Variants in PTPRN2 observed in about 807,000 individuals in gnomAD.
PTPRN2 encodes the protein receptor-type tyrosine-protein phosphatase N2.
A neutral mutation model predicts 118.8 loss-of-function variants in PTPRN2; 74 were observed. That is an observed-to-expected ratio of 0.62 (90% CI 0.52 to 0.76). The LOEUF (loss-of-function observed/expected upper bound fraction) is 0.76. PTPRN2 is among the 30% of genes least tolerant of loss of function. PTPRN2 has a pLI of 0.00. For missense variants in PTPRN2, 1,481 were observed against 1,394.4 expected (o/e 1.06, Z -0.99); for synonymous variants, 641 against 608.0 (o/e 1.05, Z -0.80).
rs1195313059 is a variant in PTPRN2, at chr7:158,563,577, C to T, written c.112+23981G>A. The stretch of plus-strand genomic sequence containing the variant: ...ACAGCATTCAGATGCTCCCAGCCCA[C>T]CCCGATGGGAGTGTTGGATGAAGAA... On this transcript the variant is annotated intron_variant, in intron 1 of 22. Transcript: ENST00000389418. The surrounding 1 kb of genome is among the most constrained non-coding windows in gnomAD (Gnocchi z 5.1). 6.6e-6 allele frequency among the ~76,000 whole-genome samples: 1 copy of T among 152,238 alleles called. No homozygotes were observed. The highest frequency in any genetic ancestry group is 2.4e-5 in the African/African-American group (1 of 41,462).
At chr7:157,838,891 G>C (rs1186581063) in intron 12 of PTPRN2, among the ~76,000 whole-genome samples, 2 of 104,890 alleles carry the variant, frequency 1.9e-5, no homozygotes, top group African/African-American at 5.0e-5. Context: ...CTCCGCCGTG[G>C]CTACTCCAGT....
chr7:158,156,257 A>C (rs921461407), intron 6 of PTPRN2, among the ~76,000 whole-genome samples: 2 of 152,180 alleles, frequency 1.3e-5, no homozygotes, highest in Non-Finnish European at 2.9e-5. Flanking sequence ...AGAAGAAAAA[A>C]ATATATCCAA....
intron 10 of PTPRN2, among the ~76,000 whole-genome samples, chr7:158,101,849 T>C (rs1330588832): frequency 6.6e-6 from 1 of 152,176 alleles, no homozygotes; most frequent in African/African-American, 2.4e-5. Context: ...TCCTCCCTTC[T>C]TCATTCTGGC....
intron 2 of PTPRN2, among the ~76,000 whole-genome samples, chr7:158,473,183 C>T (rs1410410182): frequency 6.6e-6 from 1 of 152,162 alleles, no homozygotes; most frequent in Admixed American, 6.5e-5. Context: ...TTCACGGTCC[C>T]CAAGATCAAT....
At chr7:158,386,621 C>T (rs561176538) in intron 2 of PTPRN2, among the ~76,000 whole-genome samples, 16 of 152,250 alleles carry the variant, frequency 1.1e-4, no homozygotes, top group East Asian at 5.8e-4. Flanking sequence ...AACACACTGT[C>T]GATCATCCAA....
At chr7:157,737,694 G>T (rs986957751) in intron 12 of PTPRN2, among the ~76,000 whole-genome samples, 4 of 152,230 alleles carry the variant, frequency 2.6e-5, no homozygotes, top group African/African-American at 9.6e-5. Context: ...GGGCGTGGCA[G>T]CCCCTCCACA....
intron 12 of PTPRN2, among the ~76,000 whole-genome samples, chr7:157,761,971 C>T (rs897050852): frequency 2.6e-5 from 4 of 152,166 alleles, no homozygotes; most frequent in Admixed American, 6.5e-5. Flanking sequence ...GACATTTATG[C>T]AGCCAAAAAA....
At chr7:158,146,059 C>A (rs1819947066) in intron 6 of PTPRN2, among the ~76,000 whole-genome samples, 1 of 106,814 alleles carries the variant, frequency 9.4e-6, no homozygotes, top group Non-Finnish European at 2.2e-5. Flanking sequence ...GTTTTCCACT[C>A]TTTTCCCCCT....
chr7:158,554,742 C>G (rs1433043506), intron 1 of PTPRN2, among the ~76,000 whole-genome samples: 1 of 152,170 alleles, frequency 6.6e-6, no homozygotes, highest in East Asian at 1.9e-4. Flanking sequence ...CAGGCCCTTC[C>G]AAGACGCAGT....
At chr7:158,098,246 G>C (rs907380388) in intron 10 of PTPRN2, among the ~76,000 whole-genome samples, 4 of 152,240 alleles carry the variant, frequency 2.6e-5, no homozygotes, top group Admixed American at 1.3e-4. Flanking sequence ...CAAGAATCAG[G>C]CTTCAGCTCC....
At chr7:158,316,664 A>C (rs1045437422) in intron 3 of PTPRN2, among the ~76,000 whole-genome samples, 155 bp downstream of exon 3, 1 of 152,126 alleles carries the variant, frequency 6.6e-6, no homozygotes, top group African/African-American at 2.4e-5. Context: ...AGTAGGAAGC[A>C]CCCATGAGCC....
chr7:158,349,875 CTG>C (rs1807795155), intron 2 of PTPRN2, among the ~76,000 whole-genome samples: 1 of 151,416 alleles, frequency 6.6e-6, no homozygotes, highest in Admixed American at 6.6e-5. Flanking sequence ...GCCCACGTCA[CTG>C]TGCTCCCTGG....
chr7:157,943,193 G>A lies in PTPRN2; in HGVS notation c.1724-44456C>T, dbSNP rs114092536. On this transcript the variant is annotated intron_variant, in intron 11 of 22. Transcript: ENST00000389418. ...CACACATTCCACTAGCCTCGAAGCCGCATCCTCGCACATCTCACAGCCTGG... is the reference window on the plus strand; with the variant it reads ...CACACATTCCACTAGCCTCGAAGCCACATCCTCGCACATCTCACAGCCTGG... Among the ~76,000 whole-genome samples, 868 of 152,302 alleles carry A rather than the reference G, an allele frequency of 5.7e-3. 10 individuals carry two copies. The highest frequency in any genetic ancestry group is 0.02 in the African/African-American group (837 of 41,572).
intron 2 of PTPRN2, among the ~76,000 whole-genome samples, chr7:158,382,348 T>G (rs973822564): frequency 1.3e-5 from 2 of 152,126 alleles, no homozygotes; most frequent in Non-Finnish European, 2.9e-5. Flanking sequence ...CTCACCCACT[T>G]TTTGGTGTAA....
chr7:158,070,932 CTGGTGGTGGAGGTGCCCG>C (rs1563388463), intron 11 of PTPRN2, among the ~76,000 whole-genome samples: 4 of 29,258 alleles, frequency 1.4e-4, no homozygotes, highest in Non-Finnish European at 1.2e-4. Flanking sequence ...GGAGGTGCTC[CTGGTGGTGGAGGTGCCCG>C]TGGTGGTGGA....
chr7:157,928,738 A>G (rs1219584591), intron 11 of PTPRN2, among the ~76,000 whole-genome samples: 4 of 139,014 alleles, frequency 2.9e-5, no homozygotes, highest in African/African-American at 1.1e-4. Flanking sequence ...AGAGGGTGGA[A>G]GATGAGAGGG....
At chr7:157,985,543 C>T (rs907449066) in intron 11 of PTPRN2, among the ~76,000 whole-genome samples, 6 of 152,270 alleles carry the variant, frequency 3.9e-5, no homozygotes, top group African/African-American at 7.2e-5. Flanking sequence ...ACTGACATGC[C>T]GCCCCAGTGA....
chr7:158,050,545 T>C (rs572930702), intron 11 of PTPRN2, among the ~76,000 whole-genome samples: 2 of 152,324 alleles, frequency 1.3e-5, no homozygotes, highest in South Asian at 2.1e-4. Context: ...TTCCCCAAGA[T>C]GCAGGAGCCA....
At chr7:158,375,310 T>C (rs1810411746) in intron 2 of PTPRN2, among the ~76,000 whole-genome samples, 1 of 152,188 alleles carries the variant, frequency 6.6e-6, no homozygotes, top group African/African-American at 2.4e-5. Flanking sequence ...CAGCAAATGT[T>C]TACAGAGTAC....
Sources: allele counts gnomAD v4.1 joint callset (sites outside exome capture counted in the v4.1 genomes callset), GRCh38; gene constraint gnomAD v4.1.1; non-coding constraint Gnocchi (gnomAD v3.1); transcripts MANE v1.5; gene names NCBI Gene and HGNC (gene_info 2026-07-23, HGNC 2026-07-21).